The following PXDNL variants were observed in gnomAD, a reference collection of about 807,000 sequenced individuals.
PXDNL encodes the protein peroxidasin like, also known as probable oxidoreductase PXDNL.
A neutral mutation model predicts 150.8 loss-of-function variants in PXDNL; 145 were observed. That is an observed-to-expected ratio of 0.96 (90% CI 0.84 to 1.10). The LOEUF (loss-of-function observed/expected upper bound fraction) is 1.10. Among genes scored for constraint, PXDNL ranks in the 50% least tolerant of loss-of-function variants. The pLI is 0.00. For missense variants in PXDNL, 2,087 were observed against 1,873.9 expected (o/e 1.11, Z -2.10); for synonymous variants, 757 against 725.7 (o/e 1.04, Z -0.69).
chr8:51,488,097 G>C (rs1392905603), intron 5 of PXDNL, among the ~76,000 whole-genome samples: 1 of 152,168 alleles, frequency 6.6e-6, no homozygotes, highest in Non-Finnish European at 1.5e-5. Flanking sequence ...TAGTGAAGTA[G>C]ATATGCAAAT....
At chr8:51,727,571 A>G (rs954472302) in intron 1 of PXDNL, among the ~76,000 whole-genome samples, 2 of 152,212 alleles carry the variant, frequency 1.3e-5, no homozygotes, top group Non-Finnish European at 2.9e-5. Context: ...CCCTTGGCCT[A>G]AGGTTTCCTC....
At chr8:51,441,981 G>C (rs1809562818) in intron 12 of PXDNL, among the ~76,000 whole-genome samples, 1 of 152,074 alleles carries the variant, frequency 6.6e-6, no homozygotes, top group Non-Finnish European at 1.5e-5. Flanking sequence ...AGCAACAGAA[G>C]GAGAGGTCGC....
chr8:51,577,928 AAAGAAAGAAAGAAAGAAAGAAAG>A (rs1717391370), intron 3 of PXDNL, among the ~76,000 whole-genome samples: 1 of 32,882 alleles, frequency 3.0e-5, no homozygotes, highest in Non-Finnish European at 6.6e-5. Context: ...GAAAGAAAAG[AAAGAAAGAAAGAAAGAAAGAAAG>A]AAAGAAAGAA....
Position 51,654,769 on chromosome 8 carries a change from A to G in PXDNL, c.165-9T>C. On this transcript the variant is annotated splice_polypyrimidine_tract_variant and intron_variant, in intron 1 of 22. Coordinates refer to ENST00000356297, the MANE Select transcript of PXDNL (RefSeq NM_144651.5). ...TGTTAAACCTCAAGTCTCTGGGAACATAAAAAGGTGAAGAACGATTATAAT... is the reference window on the plus strand; with the variant it reads ...TGTTAAACCTCAAGTCTCTGGGAACGTAAAAAGGTGAAGAACGATTATAAT... 1.9e-6 allele frequency: 3 copies of G among 1,609,746 alleles called. No homozygotes were observed. The highest frequency in any genetic ancestry group is 2.6e-6 in the Non-Finnish European group (3 of 1,176,438).
intron 3 of PXDNL, among the ~76,000 whole-genome samples, chr8:51,585,968 G>A (rs1041007665): frequency 3.3e-5 from 5 of 151,954 alleles, no homozygotes; most frequent in African/African-American, 7.3e-5. Context: ...ATTGCAACCT[G>A]TACCTCAACC....
intron 1 of PXDNL, among the ~76,000 whole-genome samples, chr8:51,786,851 A>G (rs2037464945): frequency 6.6e-6 from 1 of 152,242 alleles, no homozygotes; most frequent in African/African-American, 2.4e-5. Flanking sequence ...GCAAGAAAGA[A>G]GTCAATGACT....
intron 1 of PXDNL, among the ~76,000 whole-genome samples, chr8:51,710,337 A>G (rs888158485): frequency 6.6e-6 from 1 of 152,232 alleles, no homozygotes; most frequent in African/African-American, 2.4e-5. Context: ...AAAATTATAC[A>G]TATTTATGGT....
At chr8:51,767,036 T>C (rs2037239492) in intron 1 of PXDNL, among the ~76,000 whole-genome samples, 1 of 152,266 alleles carries the variant, frequency 6.6e-6, no homozygotes, top group East Asian at 1.9e-4. Flanking sequence ...CCTCTATTGA[T>C]GTTTTCTATT....
chr8:51,411,553 G>T, intron 15 of PXDNL, 146 bp from the exon 16 acceptor site: 1 of 673,468 alleles, frequency 1.5e-6, no homozygotes, highest in Non-Finnish European at 2.2e-6. Flanking sequence ...CTACAGAGGA[G>T]CTGTGGGTTC....
rs568004656 is a variant in PXDNL at position 51,807,493 on chromosome 8, C to T, written c.164+1688G>A. ...TGAACATGAGATTTGGGTGGGGACA[C>T]AGATCCAAACCATATCAAACACTGT... On this transcript the variant is annotated intron_variant, in intron 1 of 22. Transcript: ENST00000356297. Among the ~76,000 whole-genome samples, 73 of 152,274 alleles carry T rather than the reference C, an allele frequency of 4.8e-4. 1 individual carries two copies. Among genetic ancestry groups the T allele is most frequent in the African/African-American group, 1.7e-3 (72 of 41,548 alleles).
At chr8:51,337,177 G>A (rs540961594) in intron 21 of PXDNL, among the ~76,000 whole-genome samples, 28 of 152,184 alleles carry the variant, frequency 1.8e-4, no homozygotes, top group Non-Finnish European at 3.7e-4. Flanking sequence ...CAGTCTTGGG[G>A]TATGTTTAAA....
chr8:51,547,676 C>A (rs922922814), intron 4 of PXDNL, among the ~76,000 whole-genome samples: 1 of 152,148 alleles, frequency 6.6e-6, no homozygotes, highest in Non-Finnish European at 1.5e-5. Context: ...CCCCATGGGA[C>A]AAGAGAATCT....
At position 51,409,248 on chromosome 8, in the gene PXDNL, G is replaced by C; in HGVS notation, c.2376C>G (p.Ala792=). Residue 792 remains alanine, a synonymous_variant, in exon 17 of 23, where the codon GCC becomes GCG. Coordinates refer to ENST00000356297, the MANE Select transcript of PXDNL (RefSeq NM_144651.5). The part of the protein sequence containing the change: ...LVATVWARAA[A]VTPDHSYTRM... ...GCGTGTAGCTGTGGTCGGGGGTGAC[G>C]GCCGCCGCGCGCGCCCACACTGTGG... is the stretch of plus-strand genomic sequence containing the variant. 3 of 1,510,112 alleles carry C rather than the reference G, an allele frequency of 2.0e-6. No homozygotes were observed. Among genetic ancestry groups the C allele is most frequent in the Non-Finnish European group, 2.6e-6 (3 of 1,133,026 alleles). 93.5% of individuals were successfully genotyped at this position (1,510,112 alleles called of 1,614,324 possible).
In PXDNL at chr8:51,807,268, G is replaced by T. The variant is rs527530368; in HGVS notation, c.164+1913C>A. 2.0e-4 allele frequency among the ~76,000 whole-genome samples: 30 copies of T among 152,292 alleles called. No individual in the cohort carries two copies. In the South Asian group the frequency reaches 5.8e-3, roughly 29 times the overall value. ...ACTTACAATCATCGCAGAAGGCAAA[G>T]GGGGAGTGAGAACTTCACATGGCCA... is the stretch of plus-strand genomic sequence containing the variant. On this transcript the variant is annotated intron_variant, in intron 1 of 22. Coordinates refer to ENST00000356297, the MANE Select transcript of PXDNL (RefSeq NM_144651.5).
At chr8:51,546,697 G>A (rs1356946195) in intron 4 of PXDNL, among the ~76,000 whole-genome samples, 1 of 152,162 alleles carries the variant, frequency 6.6e-6, no homozygotes. Context: ...AGGCAGGGAG[G>A]GGCGAGGCCT....
intron 21 of PXDNL, among the ~76,000 whole-genome samples, chr8:51,321,473 C>A (rs964845476): frequency 1.4e-4 from 21 of 151,986 alleles, no homozygotes; most frequent in African/African-American, 5.1e-4. Flanking sequence ...CCCACCCAAT[C>A]TCATGTTGAA....
intron 3 of PXDNL, among the ~76,000 whole-genome samples, chr8:51,573,463 T>C (rs78063467): frequency 0.015 from 2,242 of 152,008 alleles, 55 homozygotes; most frequent in African/African-American, 0.05. Flanking sequence ...TATGAAGCAG[T>C]GATGATGCCA....
chr8:51,762,165 G>A (rs1450685374), intron 1 of PXDNL, among the ~76,000 whole-genome samples: 1 of 152,086 alleles, frequency 6.6e-6, no homozygotes, highest in Non-Finnish European at 1.5e-5. Flanking sequence ...GGGGCCTGGG[G>A]AGTCATGCCC....
rs1465707919 is a variant in PXDNL, at chr8:51,374,678, T to C, written c.3611A>G (p.Asp1204Gly). 1 of 1,613,866 alleles carries C rather than the reference T, an allele frequency of 6.2e-7. No individual in the cohort carries two copies. Among genetic ancestry groups the C allele is most frequent in the African/African-American group, 1.3e-5 (1 of 75,000 alleles). ...TCCCACTCTTGTACCAGGAATCAGG[T>C]CTTCAACCATAAGGGCGGGCCAGAG... ...IDLWPALMVEDLIPGTRVGPT... is the reference protein window; with the variant it reads ...IDLWPALMVEGLIPGTRVGPT... The change falls in exon 18 of 23, where the codon GAC becomes GGC. Residue 1204 changes from aspartate to glycine, a missense_variant. Asp to Gly is a moderately conservative substitution (Grantham distance 94). Transcript: ENST00000356297.
Sources: allele counts gnomAD v4.1 joint callset (sites outside exome capture counted in the v4.1 genomes callset), GRCh38; gene constraint gnomAD v4.1.1; transcripts MANE v1.5; gene names NCBI Gene and HGNC (gene_info 2026-07-23, HGNC 2026-07-21).